MED15: variants seen among roughly 807,000 people sequenced by gnomAD.
The protein encoded by MED15 is mediator of RNA polymerase II transcription subunit 15.
Under a neutral mutation model 118.7 loss-of-function variants are expected in MED15, and 41 were observed. The ratio of observed to expected loss-of-function variants is 0.35; its 90% CI spans 0.27 to 0.45. The LOEUF (loss-of-function observed/expected upper bound fraction) is 0.45, where lower values mean the gene tolerates loss of function less well. MED15 is among the 20% of genes least tolerant of loss of function. The pLI is 1.00. For synonymous variants in MED15, 436 were observed against 413.9 expected (o/e 1.05, Z -0.65); for missense variants, 740 against 1,025.5 (o/e 0.72, Z 3.80).
At chr22:20,532,646 C>T (rs890084290) in intron 1 of MED15, among the ~76,000 whole-genome samples, 12 of 152,290 alleles carry the variant, frequency 7.9e-5, no homozygotes, top group Admixed American at 6.5e-4. Flanking sequence ...TGGCTGGTCG[C>T]AACCAGGGAG....
chr22:20,508,402 T>C, intron 1 of MED15: 3 of 1,304,140 alleles, frequency 2.3e-6, no homozygotes, highest in Non-Finnish European at 2.0e-6. Context: ...TAGCAGTTTT[T>C]TTCATGCGCG....
chr22:20,520,625 A>G (rs996883440), intron 1 of MED15, among the ~76,000 whole-genome samples: 2 of 152,178 alleles, frequency 1.3e-5, no homozygotes, highest in African/African-American at 2.4e-5. Context: ...TGAGTGTGCC[A>G]CCAGAGAACT....
At chr22:20,584,328 C>T (rs899618365) in intron 13 of MED15, 31 bp from the exon 14 acceptor site, 4 of 1,610,492 alleles carry the variant, frequency 2.5e-6, no homozygotes, top group Non-Finnish European at 8.5e-7. Context: ...ATGTCTTCCA[C>T]TCTTTCAGCC....
At chr22:20,513,059 A>G (rs1013996861) in intron 1 of MED15, among the ~76,000 whole-genome samples, 4 of 151,634 alleles carry the variant, frequency 2.6e-5, no homozygotes, top group Admixed American at 1.3e-4. Flanking sequence ...CTTGTATTAC[A>G]GTGGTATTCT....
intron 1 of MED15, chr22:20,523,065 G>C (rs148765879): frequency 1.5e-3 from 231 of 152,316 alleles, no homozygotes; most frequent in African/African-American, 5.4e-3. Context: ...TCTCTCCAGA[G>C]CTGGCTGTTA....
At position 20,584,902 on chromosome 22, in the gene MED15, A is replaced by C. The variant is rs771659470; in HGVS notation, c.1851A>C (p.Leu617=). 6.2e-7 allele frequency: 1 copy of C among 1,613,600 alleles called. No individual in the cohort carries two copies. Among genetic ancestry groups the C allele is most frequent in the African/African-American group, 1.3e-5 (1 of 74,864 alleles). Residue 617 remains leucine, a synonymous_variant, in exon 15 of 18, where the codon CTA becomes CTC. Transcript: ENST00000263205. The part of the protein sequence containing the change: ...PPVPPTKQQY[L]CQPLLDAVLA... The stretch of plus-strand genomic sequence containing the variant: ...TGCCACCGACCAAACAGCAGTACCT[A>C]TGCCAGCCGCTCCTGGATGCCGTCC...
At chr22:20,584,319 T>C in intron 13 of MED15, 40 bp from the exon 14 acceptor site, 1 of 1,602,936 alleles carries the variant, frequency 6.2e-7, no homozygotes, top group Non-Finnish European at 8.5e-7. Context: ...AGAACTGCCA[T>C]GTCTTCCACT....
At chr22:20,525,442 G>A (rs1017393653) in intron 1 of MED15, among the ~76,000 whole-genome samples, 9 of 151,610 alleles carry the variant, frequency 5.9e-5, no homozygotes, top group African/African-American at 1.9e-4. Flanking sequence ...TGAACTCCTG[G>A]CCTCTCAAGT....
chr22:20,560,329 A>G (rs1442459338), intron 5 of MED15, among the ~76,000 whole-genome samples: 4 of 152,052 alleles, frequency 2.6e-5, no homozygotes, highest in African/African-American at 4.8e-5. Context: ...CAGTGGTGCA[A>G]TGTCGGCCCA....
intron 2 of MED15, among the ~76,000 whole-genome samples, chr22:20,542,473 C>T (rs2055350712): frequency 6.6e-6 from 1 of 152,138 alleles, no homozygotes; most frequent in Non-Finnish European, 1.5e-5. Flanking sequence ...CAAAGGATGA[C>T]ATGTTGCATT....
intron 1 of MED15, among the ~76,000 whole-genome samples, chr22:20,529,944 G>C (rs1250251989): frequency 6.6e-6 from 1 of 152,070 alleles, no homozygotes; most frequent in Non-Finnish European, 1.5e-5. Flanking sequence ...GGCTGGTCTC[G>C]AACTCCTGAC....
intron 1 of MED15, among the ~76,000 whole-genome samples, chr22:20,517,535 C>G (rs80151507): frequency 1.3e-5 from 2 of 152,198 alleles, no homozygotes; most frequent in Non-Finnish European, 2.9e-5. Context: ...TCACTGCCCC[C>G]ACCCCGCTGC....
At chr22:20,528,468 C>T (rs926472676) in intron 1 of MED15, among the ~76,000 whole-genome samples, 1 of 152,172 alleles carries the variant, frequency 6.6e-6, no homozygotes, top group African/African-American at 2.4e-5. Context: ...CAGTGGGGTT[C>T]GTGCTCCTAT....
intron 8 of MED15, among the ~76,000 whole-genome samples, chr22:20,570,495 G>A (rs769084706): frequency 6.6e-6 from 1 of 150,428 alleles, no homozygotes; most frequent in Non-Finnish European, 1.5e-5. Flanking sequence ...GGGTTCAGGC[G>A]ATTCTTGTGC....
At chr22:20,554,261 A>T (rs1440969057) in intron 4 of MED15, 1 of 152,396 alleles carries the variant, frequency 6.6e-6, no homozygotes, top group Admixed American at 6.5e-5. Context: ...CTGCCAGGAC[A>T]TACCTGTCTG....
At chr22:20,569,851 C>T (rs925399659) in intron 8 of MED15, among the ~76,000 whole-genome samples, 3 of 152,116 alleles carry the variant, frequency 2.0e-5, no homozygotes, top group Admixed American at 6.5e-5. Flanking sequence ...CTGTGTGTCT[C>T]GGCATGTCCT....
Position 20,568,593 on chromosome 22 carries a change from A to G in MED15, c.1114A>G (p.Thr372Ala). 1 of 1,613,806 alleles carries G rather than the reference A, an allele frequency of 6.2e-7. No homozygotes were observed. Among genetic ancestry groups the G allele is most frequent in the Non-Finnish European group, 8.5e-7 (1 of 1,180,008 alleles). The change falls in exon 8 of 18, where the codon ACA (threonine) becomes GCA (alanine). Residue 372 changes from threonine to alanine, a missense_variant. Around this residue, in one of 7 missense-constraint regions of MED15, gnomAD observed 384 missense variants for 506.3 expected, o/e 0.76. Transcript: ENST00000263205. Reference sequence around the variant, plus strand: ...GCAGCAGCAGCAGACAGCAGTACAGACAGCTCAGGCTGCCCAGATGGTGGC... The same window carrying G: ...GCAGCAGCAGCAGACAGCAGTACAGGCAGCTCAGGCTGCCCAGATGGTGGC... ...QVQQQQTAVQ[T>A]AQAAQMVAPG...
intron 1 of MED15, among the ~76,000 whole-genome samples, chr22:20,531,298 C>T (rs1226664459): frequency 6.6e-6 from 1 of 152,244 alleles, no homozygotes; most frequent in Non-Finnish European, 1.5e-5. Flanking sequence ...TGAGGAACAA[C>T]AGGCCCATGC....
intron 1 of MED15, among the ~76,000 whole-genome samples, chr22:20,534,989 A>G (rs2055008545): frequency 6.6e-6 from 1 of 152,096 alleles, no homozygotes; most frequent in Non-Finnish European, 1.5e-5. Context: ...CAGGAGTCTC[A>G]TTCTGTCGCC....
Sources: allele counts gnomAD v4.1 joint callset (sites outside exome capture counted in the v4.1 genomes callset), GRCh38; gene constraint gnomAD v4.1.1; regional missense constraint gnomAD v4.1.1; transcripts MANE v1.5; gene names NCBI Gene and HGNC (gene_info 2026-07-23, HGNC 2026-07-21).